CTNNA3: variants seen among roughly 807,000 people sequenced by gnomAD.
The protein encoded by CTNNA3 is catenin alpha 3.
In CTNNA3, 76 loss-of-function variants were observed where a neutral mutation model predicts 95.7. That is an observed-to-expected ratio of 0.79 (90% CI 0.66 to 0.96). The LOEUF (loss-of-function observed/expected upper bound fraction) is 0.96, where lower values mean the gene tolerates loss of function less well. Among genes scored for constraint, CTNNA3 ranks in the 40% least tolerant of loss-of-function variants. CTNNA3 has a pLI of 0.00. For missense variants in CTNNA3, 1,191 were observed against 1,089.8 expected, an observed-to-expected ratio of 1.09 and a Z score of -1.31; for synonymous variants, 431 against 374.4, an observed-to-expected ratio of 1.15 and a Z score of -1.74.
intron 7 of CTNNA3, among the ~76,000 whole-genome samples, chr10:66,909,393 C>A (rs567190337): frequency 6.6e-6 from 1 of 152,078 alleles, no homozygotes; most frequent in East Asian, 1.9e-4. Context: ...GCCTGTAATC[C>A]CATCTACTCA....
chr10:67,369,268 A>C (rs1843327314), intron 5 of CTNNA3, among the ~76,000 whole-genome samples: 1 of 152,214 alleles, frequency 6.6e-6, no homozygotes, highest in Non-Finnish European at 1.5e-5. Flanking sequence ...ATCTCAAACA[A>C]GTTAGGAGAC....
intron 12 of CTNNA3, among the ~76,000 whole-genome samples, chr10:66,360,824 T>C (rs894384170): frequency 0.02 from 1,237 of 61,632 alleles, 93 homozygotes; most frequent in African/African-American, 0.11. Flanking sequence ...TTCCTTTCTT[T>C]CTTTCTTTCT....
In CTNNA3 at chr10:66,309,910, TAAA is replaced by T. The variant is rs1467788247; in HGVS notation, c.1733-29292_1733-29290del. On this transcript the variant is annotated intron_variant, in intron 12 of 17. Coordinates refer to ENST00000433211, the MANE Select transcript of CTNNA3 (RefSeq NM_013266.4). ...CCGTCTCTACCAAAGATACAAAAAA[TAAA>T]TAAATAAATAAATAAATAAATAAAT... Among the ~76,000 whole-genome samples the T allele has an allele frequency of 3.1e-3, 71 of 22,822 alleles. 1 individual carries two copies. Among genetic ancestry groups the T allele is most frequent in the South Asian group, 1.1e-3 (1 of 888 alleles). 15.0% of individuals were successfully genotyped at this position (22,822 alleles called of 152,430 possible). A position where few individuals can be genotyped will look rare whatever the true frequency, so the allele number is the denominator to read the frequency against.
chr10:67,566,072 T>TATATATATATATATATAC (rs1265158791), intron 3 of CTNNA3, among the ~76,000 whole-genome samples: 8 of 102,150 alleles, frequency 7.8e-5, no homozygotes, highest in East Asian at 3.1e-4. Flanking sequence ...TATATATATA[T>TATATATATATATATATAC]ACAAAACCTA....
chr10:65,962,113 G>A (rs1323886976), intron 17 of CTNNA3, among the ~76,000 whole-genome samples: 1 of 152,032 alleles, frequency 6.6e-6, no homozygotes, highest in African/African-American at 2.4e-5. Context: ...TGTGAAAAAA[G>A]TTGTTTCTGG....
At chr10:66,301,397 C>T (rs567664195) in intron 12 of CTNNA3, among the ~76,000 whole-genome samples, 17 of 151,678 alleles carry the variant, frequency 1.1e-4, no homozygotes, top group South Asian at 2.1e-4. Flanking sequence ...ATATTTCTTA[C>T]GAACATAAAT....
chr10:67,066,663 T>A (rs1726936405), intron 7 of CTNNA3, among the ~76,000 whole-genome samples: 1 of 152,098 alleles, frequency 6.6e-6, no homozygotes, highest in African/African-American at 2.4e-5. Flanking sequence ...CTAATGTGAC[T>A]TTCTCATCTT....
rs555522676 is a variant in CTNNA3, at chr10:66,059,230, G to A, written c.2159+10078C>T. On this transcript the variant is annotated intron_variant, in intron 15 of 17. Coordinates refer to ENST00000433211, the MANE Select transcript of CTNNA3 (RefSeq NM_013266.4). ...ATCTCATTTGGCTGACAAATAACCC[G>A]TTTTCTGTAGCTATTTCTGTCCAAA... Among the ~76,000 whole-genome samples, 313 of 152,116 alleles carry A rather than the reference G, an allele frequency of 2.1e-3. 1 individual carries two copies. Among genetic ancestry groups the A allele is most frequent in the Non-Finnish European group, 3.4e-3 (231 of 67,952 alleles).
At chr10:67,615,753 C>G (rs538866393) in intron 2 of CTNNA3, among the ~76,000 whole-genome samples, 12 of 149,102 alleles carry the variant, frequency 8.0e-5, no homozygotes, top group South Asian at 2.1e-4. Context: ...ACCTCTGCCT[C>G]CTGGGTTCAA....
chr10:67,745,698 T>C (rs1355785246), intron 1 of CTNNA3, among the ~76,000 whole-genome samples: 2 of 151,510 alleles, frequency 1.3e-5, no homozygotes, highest in Non-Finnish European at 2.9e-5. Context: ...TGAAAAAAAC[T>C]GTTAGAGCTG....
intron 10 of CTNNA3, among the ~76,000 whole-genome samples, chr10:66,607,000 T>C (rs895904943): frequency 7.2e-5 from 11 of 151,942 alleles, no homozygotes; most frequent in Non-Finnish European, 1.3e-4. Flanking sequence ...AGTTGGTTTT[T>C]TGAAAAAATT....
chr10:67,762,309 A>G (rs1199026643), intron 1 of CTNNA3, among the ~76,000 whole-genome samples: 1 of 151,936 alleles, frequency 6.6e-6, no homozygotes, highest in Non-Finnish European at 1.5e-5. Context: ...TTTAATCACA[A>G]CTGTTCTCAC....
intron 7 of CTNNA3, among the ~76,000 whole-genome samples, chr10:67,149,422 A>G (rs1860987341): frequency 1.3e-5 from 2 of 151,930 alleles, no homozygotes; most frequent in African/African-American, 2.4e-5. Context: ...CGTCTCTACT[A>G]AAAATACAAA....
intron 7 of CTNNA3, among the ~76,000 whole-genome samples, chr10:66,883,697 C>T (rs1844930767): frequency 6.6e-6 from 1 of 152,032 alleles, no homozygotes; most frequent in African/African-American, 2.4e-5. Context: ...AAATGGCTGC[C>T]TGCTCTTTTT....
intron 3 of CTNNA3, among the ~76,000 whole-genome samples, chr10:67,588,530 TG>T (rs11344227): frequency 0.1 from 15,037 of 150,378 alleles, 1,489 homozygotes; most frequent in African/African-American, 0.26. Context: ...ATTGAATTTA[TG>T]GGGGGGGGAC....
At chr10:66,577,566 C>A (rs1330520009) in intron 10 of CTNNA3, among the ~76,000 whole-genome samples, 1 of 151,964 alleles carries the variant, frequency 6.6e-6, no homozygotes, top group Non-Finnish European at 1.5e-5. Context: ...ATCCCAGCAC[C>A]ATTTATTGAC....
chr10:66,088,045 C>T (rs577606320), intron 14 of CTNNA3, among the ~76,000 whole-genome samples: 5 of 151,996 alleles, frequency 3.3e-5, no homozygotes, highest in African/African-American at 4.8e-5. Context: ...TTAACAACCA[C>T]GGCTCATTCT....
intron 13 of CTNNA3, among the ~76,000 whole-genome samples, chr10:66,199,356 T>C (rs1056958579): frequency 6.6e-6 from 1 of 152,104 alleles, no homozygotes; most frequent in African/African-American, 2.4e-5. Flanking sequence ...TATACTTCCT[T>C]TCTGGTAGTT....
At chr10:66,688,546 A>G (rs1173439457) in intron 9 of CTNNA3, among the ~76,000 whole-genome samples, 1 of 152,180 alleles carries the variant, frequency 6.6e-6, no homozygotes, top group Non-Finnish European at 1.5e-5. Flanking sequence ...CTCTGACACT[A>G]TCTACAGTAG....
Sources: allele counts gnomAD v4.1 joint callset (sites outside exome capture counted in the v4.1 genomes callset), GRCh38; gene constraint gnomAD v4.1.1; transcripts MANE v1.5; gene names NCBI Gene and HGNC (gene_info 2026-07-23, HGNC 2026-07-21).